SLC35F3: variants seen among roughly 807,000 people sequenced by gnomAD.
The protein encoded by SLC35F3 is solute carrier family 35 member F3, also known as putative thiamine transporter SLC35F3.
SLC35F3 carries 25 observed loss-of-function variants against 49.9 expected under a neutral mutation model. The ratio of observed to expected loss-of-function variants is 0.50; its 90% CI spans 0.37 to 0.70. The LOEUF (loss-of-function observed/expected upper bound fraction) is 0.70, where lower values mean the gene tolerates loss of function less well. SLC35F3 is among the 30% of genes least tolerant of loss of function. The probability of loss-of-function intolerance (pLI) is 0.00; values close to 1 mark genes in which losing one functional copy is unlikely to be tolerated. For missense variants in SLC35F3, 525 were observed against 639.8 expected (o/e 0.82, Z 1.94); for synonymous variants, 275 against 265.4 (o/e 1.04, Z -0.35).
At chr1:233,921,385 A>G (rs750929146) in intron 2 of SLC35F3, among the ~76,000 whole-genome samples, 7 of 152,102 alleles carry the variant, frequency 4.6e-5, no homozygotes, top group Non-Finnish European at 8.8e-5. Flanking sequence ...GCCTGCACTG[A>G]CACATCATTA....
Position 234,320,330 on chromosome 1 carries a change from ATACT to A in SLC35F3, c.1237+144_1237+147del. On this transcript the variant is annotated intron_variant, in intron 7 of 7. Transcript: ENST00000366618. The surrounding 1 kb of genome is among the most constrained non-coding windows in gnomAD (Gnocchi z 4.8). The stretch of plus-strand genomic sequence containing the variant: ...CACTCATGCATACACACACACACAC[ATACT>A]CTCACATACATACTCACATATATTA... The A allele has an allele frequency of 1.6e-6, 1 of 630,168 alleles. No individual in the cohort carries two copies. Among genetic ancestry groups the A allele is most frequent in the Non-Finnish European group, 2.9e-6 (1 of 344,988 alleles). The allele number at this position is 630,168 out of a possible 1,614,324, so 39.0% of individuals were successfully genotyped here.
At chr1:234,250,653 CAA>C (rs35486350) in intron 3 of SLC35F3, among the ~76,000 whole-genome samples, 10 of 81,492 alleles carry the variant, frequency 1.2e-4, no homozygotes, top group Admixed American at 1.4e-4. Flanking sequence ...GACTCCGTCT[CAA>C]AAAAAAAAAA....
At chr1:234,059,414 C>G (rs1279223809) in intron 2 of SLC35F3, among the ~76,000 whole-genome samples, 1 of 151,270 alleles carries the variant, frequency 6.6e-6, no homozygotes, top group Non-Finnish European at 1.5e-5. Context: ...TCTAATTTCT[C>G]TTTGGTTTCT....
intron 2 of SLC35F3, among the ~76,000 whole-genome samples, chr1:234,190,946 G>A (rs1666721418): frequency 6.6e-6 from 1 of 152,182 alleles, no homozygotes; most frequent in Admixed American, 6.5e-5. Flanking sequence ...AAGAAGAAGA[G>A]AAGAGAAAAA....
At chr1:234,110,890 T>C (rs910357865) in intron 2 of SLC35F3, among the ~76,000 whole-genome samples, 2 of 152,222 alleles carry the variant, frequency 1.3e-5, no homozygotes, top group African/African-American at 4.8e-5. Flanking sequence ...AGTAAGTCTG[T>C]TAAGGTGGAT....
intron 2 of SLC35F3, among the ~76,000 whole-genome samples, chr1:233,920,846 G>C (rs1158188316): frequency 1.4e-5 from 2 of 144,222 alleles, no homozygotes; most frequent in African/African-American, 5.9e-5. Flanking sequence ...CCAAGAGCCA[G>C]CAAAAATCTG....
chr1:234,218,154 A>G (rs1667151315), intron 2 of SLC35F3, among the ~76,000 whole-genome samples: 1 of 152,238 alleles, frequency 6.6e-6, no homozygotes, highest in Non-Finnish European at 1.5e-5. Flanking sequence ...TCCTTTCAGA[A>G]GCAGAGCATT....
chr1:234,023,327 TCAAA>T (rs1241863570), intron 2 of SLC35F3, among the ~76,000 whole-genome samples: 1 of 152,166 alleles, frequency 6.6e-6, no homozygotes, highest in Non-Finnish European at 1.5e-5. Context: ...AAGGAAGTAC[TCAAA>T]CAAAACAAAG....
intron 4 of SLC35F3, among the ~76,000 whole-genome samples, chr1:234,310,620 G>A (rs1657329533): frequency 6.6e-6 from 1 of 152,172 alleles, no homozygotes; most frequent in Non-Finnish European, 1.5e-5. Context: ...AGATCTGAAT[G>A]TCCTGGGCCC....
intron 2 of SLC35F3, among the ~76,000 whole-genome samples, chr1:234,189,438 CAATAG>C (rs531042790): frequency 1.1e-3 from 166 of 146,486 alleles, no homozygotes; most frequent in African/African-American, 4.1e-3. Flanking sequence ...AAAGTCTCAG[CAATAG>C]AATCAAACAA....
chr1:233,938,725 A>G (rs1001960853), intron 2 of SLC35F3, among the ~76,000 whole-genome samples: 7 of 151,380 alleles, frequency 4.6e-5, no homozygotes, highest in Middle Eastern at 3.2e-3. Context: ...TGGATGGATG[A>G]ATGGAAGTAT....
chr1:234,048,446 A>T (rs1403996705), intron 2 of SLC35F3, among the ~76,000 whole-genome samples: 1 of 152,200 alleles, frequency 6.6e-6, no homozygotes, highest in Non-Finnish European at 1.5e-5. Context: ...CAAAGGGGAC[A>T]GTGTTAAACA....
chr1:233,905,901 C>T (rs1227316646), intron 2 of SLC35F3, 143 bp downstream of exon 2: 4 of 738,674 alleles, frequency 5.4e-6, no homozygotes, highest in African/African-American at 5.3e-5. Context: ...TTTGCAACTT[C>T]GAGGAAGAGG....
chr1:234,008,014 T>G (rs899256030), intron 2 of SLC35F3, among the ~76,000 whole-genome samples: 1 of 152,208 alleles, frequency 6.6e-6, no homozygotes, highest in Admixed American at 6.5e-5. Context: ...TAAAAATGAT[T>G]AAGATTTATC....
chr1:234,055,727 G>C (rs1664447513), intron 2 of SLC35F3, among the ~76,000 whole-genome samples: 1 of 152,156 alleles, frequency 6.6e-6, no homozygotes, highest in Admixed American at 6.5e-5. Flanking sequence ...CCCATCTTCT[G>C]CGTCGCTCAC....
intron 2 of SLC35F3, among the ~76,000 whole-genome samples, chr1:234,054,199 TTGGGGAAGTTCTCCTGGATAA>T (rs1664422478): frequency 6.6e-6 from 1 of 152,338 alleles, no homozygotes; most frequent in South Asian, 2.1e-4. Context: ...CCTTGCTAGG[TTGGGGAAGTTCTCCTGGATAA>T]TATCCTGCAA....
At chr1:234,112,732 T>A (rs1558232962) in intron 2 of SLC35F3, among the ~76,000 whole-genome samples, 1 of 137,114 alleles carries the variant, frequency 7.3e-6, no homozygotes, top group Admixed American at 7.3e-5. Context: ...ATTTTTTTTT[T>A]TTTTTTTTTT....
chr1:234,212,094 T>C (rs1667053786), intron 2 of SLC35F3, among the ~76,000 whole-genome samples: 1 of 152,196 alleles, frequency 6.6e-6, no homozygotes, highest in South Asian at 2.1e-4. Context: ...AAGACGTGGC[T>C]TGCTCCTCCT....
In SLC35F3 at chr1:234,231,272, CAGCCGCCCTGGA is replaced by C; in HGVS notation, c.284-136_284-125del. 1 of 651,788 alleles carries C rather than the reference CAGCCGCCCTGGA, an allele frequency of 1.5e-6. No individual in the cohort carries two copies. The highest frequency in any genetic ancestry group is 2.6e-6 in the Non-Finnish European group (1 of 390,392). The allele number at this position is 651,788 out of a possible 1,614,324, so 40.4% of individuals were successfully genotyped here. On this transcript the variant is annotated intron_variant, in intron 2 of 7. Coordinates refer to ENST00000366618, the MANE Select transcript of SLC35F3 (RefSeq NM_173508.4). The surrounding 1 kb of genome is among the most constrained non-coding windows in gnomAD (Gnocchi z 5.4). ...TTTTCTATTGCAGCTTGCTGTCACACAGCCGCCCTGGAAGCCGCCCCTGCACCCGCTATCTCC... is the reference window on the plus strand; with the variant it reads ...TTTTCTATTGCAGCTTGCTGTCACACAGCCGCCCCTGCACCCGCTATCTCC...
Sources: allele counts gnomAD v4.1 joint callset (sites outside exome capture counted in the v4.1 genomes callset), GRCh38; gene constraint gnomAD v4.1.1; non-coding constraint Gnocchi (gnomAD v3.1); transcripts MANE v1.5; gene names NCBI Gene and HGNC (gene_info 2026-07-23, HGNC 2026-07-21).